ARHGAP26: variants seen among roughly 807,000 people sequenced by gnomAD.
ARHGAP26 encodes the protein Rho GTPase activating protein 26.
Under a neutral mutation model 104.8 loss-of-function variants are expected in ARHGAP26, and 38 were observed. The ratio of observed to expected loss-of-function variants is 0.36; its 90% CI spans 0.28 to 0.48. The LOEUF is 0.48. Ranked by LOEUF, ARHGAP26 falls within the 20% of genes least tolerant of loss-of-function variation. The probability of loss-of-function intolerance (pLI) is 0.99; values close to 1 mark genes in which losing one functional copy is unlikely to be tolerated. For synonymous variants in ARHGAP26, 341 were observed against 340.0 expected, an observed-to-expected ratio of 1.00 and a Z score of -0.03; for missense variants, 704 against 947.9, an observed-to-expected ratio of 0.74 and a Z score of 3.38.
At chr5:142,771,928 C>T (rs1305716465) in intron 1 of ARHGAP26, among the ~76,000 whole-genome samples, 2 of 152,126 alleles carry the variant, frequency 1.3e-5, no homozygotes, top group African/African-American at 4.8e-5. Flanking sequence ...TTTCAGTCTC[C>T]CCATTTAAAA....
At chr5:143,168,970 T>G (rs1256789039) in intron 20 of ARHGAP26, 1 of 152,254 alleles carries the variant, frequency 6.6e-6, no homozygotes, top group Non-Finnish European at 1.5e-5. Flanking sequence ...TTTCTCAAAC[T>G]GTAAGTGAAC....
chr5:142,807,698 T>C lies in ARHGAP26; in HGVS notation c.154+36783T>C, dbSNP rs115813255. 3.4e-3 allele frequency among the ~76,000 whole-genome samples: 523 copies of C among 152,250 alleles called. 6 individuals carry two copies. Among genetic ancestry groups the C allele is most frequent in the African/African-American group, 0.012 (497 of 41,532 alleles). Reference sequence around the variant, plus strand: ...TTCACACCCATGTTGCAACCCTGGCTCCTAAGCCTGAGGACAGGATGTGAG... The same window carrying C: ...TTCACACCCATGTTGCAACCCTGGCCCCTAAGCCTGAGGACAGGATGTGAG... On this transcript the variant is annotated intron_variant, in intron 1 of 22. Transcript: ENST00000645722.
At chr5:142,890,993 T>C (rs1387070921) in intron 5 of ARHGAP26, among the ~76,000 whole-genome samples, 2 of 149,922 alleles carry the variant, frequency 1.3e-5, no homozygotes, top group African/African-American at 5.1e-5. Context: ...TTCAGAATGA[T>C]TTCTCCTGTT....
intron 20 of ARHGAP26, among the ~76,000 whole-genome samples, chr5:143,180,767 CAT>C (rs1441040449): frequency 1.3e-5 from 2 of 152,190 alleles, no homozygotes; most frequent in East Asian, 3.8e-4. Flanking sequence ...TCTCCCTAGA[CAT>C]GTGGGAATTA....
chr5:143,193,530 G>A (rs140571225), intron 20 of ARHGAP26, among the ~76,000 whole-genome samples: 1 of 152,216 alleles, frequency 6.6e-6, no homozygotes, highest in African/African-American at 2.4e-5. Flanking sequence ...GATTACAGGC[G>A]TGAGCCACCA....
At chr5:143,166,094 C>G in intron 20 of ARHGAP26, 1 of 1,312,994 alleles carries the variant, frequency 7.6e-7, no homozygotes, top group Non-Finnish European at 1.0e-6. Flanking sequence ...GTGATGGGCA[C>G]AAGGTGAGAA....
chr5:143,121,912 TA>T (rs1796181360), intron 18 of ARHGAP26, among the ~76,000 whole-genome samples: 1 of 152,154 alleles, frequency 6.6e-6, no homozygotes, highest in Admixed American at 6.5e-5. Flanking sequence ...TGGAATCTAA[TA>T]AAAAATGCTG....
chr5:142,844,226 T>G (rs1771434028), intron 1 of ARHGAP26, among the ~76,000 whole-genome samples: 1 of 151,816 alleles, frequency 6.6e-6, no homozygotes, highest in South Asian at 2.1e-4. Context: ...GATTTTTGTA[T>G]TTTTAGTAGA....
Position 143,216,237 on chromosome 5 carries a change from C to T in ARHGAP26, c.2191+2149C>T, listed in dbSNP as rs73796994. On this transcript the variant is annotated intron_variant, in intron 22 of 22. Coordinates refer to ENST00000645722, the MANE Select transcript of ARHGAP26 (RefSeq NM_001135608.3). ...CATCTTCACTGCCACACCGAAGCTC[C>T]GGGCACCTCCACCTCTCACCTGGGC... is the stretch of plus-strand genomic sequence containing the variant. 4.3e-3 allele frequency: 2,005 copies of T among 471,342 alleles called. 37 individuals are homozygous for T. The highest frequency in any genetic ancestry group is 0.037 in the African/African-American group (1,842 of 50,172). 29.2% of individuals were successfully genotyped at this position (471,342 alleles called of 1,614,324 possible). A position where few individuals can be genotyped will look rare whatever the true frequency, so the allele number is the denominator to read the frequency against.
At chr5:143,092,886 T>A (rs888767774) in intron 17 of ARHGAP26, among the ~76,000 whole-genome samples, 2 of 152,242 alleles carry the variant, frequency 1.3e-5, no homozygotes, top group Middle Eastern at 3.2e-3. Context: ...TAACTCTGCT[T>A]CTTCAAGAGT....
intron 17 of ARHGAP26, among the ~76,000 whole-genome samples, chr5:143,060,341 G>T (rs1348696478): frequency 6.6e-6 from 1 of 152,144 alleles, no homozygotes; most frequent in African/African-American, 2.4e-5. Flanking sequence ...ATTTTTTAAA[G>T]TACTCTTTTG....
At chr5:143,120,409 T>G (rs544799642) in intron 17 of ARHGAP26, among the ~76,000 whole-genome samples, 1 of 152,352 alleles carries the variant, frequency 6.6e-6, no homozygotes, top group African/African-American at 2.4e-5. Flanking sequence ...TTATTTCTGT[T>G]TATGCCCTGT....
At chr5:142,868,058 T>C (rs148404340) in intron 1 of ARHGAP26, 2 of 152,312 alleles carry the variant, frequency 1.3e-5, no homozygotes, top group African/African-American at 4.8e-5. Context: ...AATGTACTAG[T>C]TGGGGAGGCA....
chr5:143,049,605 A>G (rs1189699185), intron 14 of ARHGAP26, among the ~76,000 whole-genome samples: 2 of 152,102 alleles, frequency 1.3e-5, no homozygotes, highest in Admixed American at 6.5e-5. Context: ...AGGATTTTTT[A>G]TCTTCTGTTT....
At chr5:142,922,442 G>C (rs79566746) in intron 10 of ARHGAP26, among the ~76,000 whole-genome samples, 562 of 143,186 alleles carry the variant, frequency 3.9e-3, no homozygotes, top group Non-Finnish European at 6.3e-3. Flanking sequence ...GTGTGTGTGT[G>C]TTTTCTGTAG....
At chr5:142,867,314 TGTGTG>T (rs1323860446) in intron 1 of ARHGAP26, among the ~76,000 whole-genome samples, 1 of 151,340 alleles carries the variant, frequency 6.6e-6, no homozygotes, top group African/African-American at 2.4e-5. Flanking sequence ...TGTGTGTGTG[TGTGTG>T]TGTGTGTGTT....
chr5:143,048,453 G>T (rs1473107535), intron 14 of ARHGAP26, among the ~76,000 whole-genome samples: 1 of 150,784 alleles, frequency 6.6e-6, no homozygotes. Context: ...TAGAGACGGG[G>T]TTTCATCATG....
At chr5:142,957,513 C>T (rs1367771538) in intron 11 of ARHGAP26, among the ~76,000 whole-genome samples, 4 of 152,122 alleles carry the variant, frequency 2.6e-5, no homozygotes, top group Non-Finnish European at 2.9e-5. Context: ...GTCTTTGTAC[C>T]ATTGGTAATA....
intron 1 of ARHGAP26, among the ~76,000 whole-genome samples, chr5:142,837,886 A>G (rs1258241058): frequency 6.6e-6 from 1 of 152,222 alleles, no homozygotes; most frequent in East Asian, 1.9e-4. Flanking sequence ...TTATGTACAT[A>G]ATTTCACAGT....
Sources: gnomAD v4.1 joint callset for allele counts (sites outside exome capture counted in the v4.1 genomes callset) on GRCh38, gnomAD v4.1.1 for gene constraint, MANE v1.5 for transcripts, NCBI Gene and HGNC (gene_info 2026-07-23, HGNC 2026-07-21) for gene names.